Variants in EBF3 observed in about 807,000 individuals in gnomAD.
EBF3 encodes EBF transcription factor 3.
A neutral mutation model predicts 77.1 loss-of-function variants in EBF3; 18 were observed. The observed-to-expected ratio is 0.23, with a 90% CI of 0.16 to 0.35. EBF3 has a LOEUF of 0.35. Among genes scored for constraint, EBF3 ranks in the 10% least tolerant of loss-of-function variants. The pLI is 1.00. For missense variants in EBF3, 558 were observed against 860.0 expected (o/e 0.65, Z 4.39); for synonymous variants, 350 against 343.5 (o/e 1.02, Z -0.21).
rs767897141 is a variant in EBF3, at chr10:129,873,432, G to C, written c.781+20C>G. 2.7e-6 allele frequency: 4 copies of C among 1,493,744 alleles called. No individual in the cohort carries two copies. The South Asian group carries it at 5.4e-5, about 20-fold the overall frequency. 92.5% of individuals were successfully genotyped at this position (1,493,744 alleles called of 1,614,324 possible). A position where few individuals can be genotyped will look rare whatever the true frequency, so the allele number is the denominator to read the frequency against. On this transcript the variant is annotated intron_variant, in intron 8 of 16. Coordinates refer to ENST00000440978, the MANE Select transcript of EBF3 (RefSeq NM_001375380.1). The stretch of plus-strand genomic sequence containing the variant: ...AAAAGAAGCATCGCAAATAAAAAAA[G>C]ACATGTAACATGTGCCTACCATTTT...
At chr10:129,946,807 G>A (rs1337411667) in intron 6 of EBF3, among the ~76,000 whole-genome samples, 1 of 152,196 alleles carries the variant, frequency 6.6e-6, no homozygotes, top group Admixed American at 6.5e-5. Flanking sequence ...TTATTAACTT[G>A]CATAACTCAT....
At chr10:129,942,136 C>A (rs559786909) in intron 6 of EBF3, among the ~76,000 whole-genome samples, 1 of 152,218 alleles carries the variant, frequency 6.6e-6, no homozygotes, top group Non-Finnish European at 1.5e-5. Context: ...CGGCTCCCTG[C>A]AGGTTCTTAG....
intron 6 of EBF3, among the ~76,000 whole-genome samples, chr10:129,951,753 C>T (rs1858698917): frequency 6.6e-6 from 1 of 152,260 alleles, no homozygotes; most frequent in South Asian, 2.1e-4. Flanking sequence ...ACCGTGCAGC[C>T]GGCGTGGTGC....
At chr10:129,902,336 G>A (rs1854849759) in intron 6 of EBF3, among the ~76,000 whole-genome samples, 1 of 151,554 alleles carries the variant, frequency 6.6e-6, no homozygotes, top group Non-Finnish European at 1.5e-5. Context: ...TGGACCCCAT[G>A]AACACTTTAA....
At position 129,952,456 on chromosome 10, in the gene EBF3, T is replaced by G. The variant is rs1282655898; in HGVS notation, c.554+4802A>C. Among the ~76,000 whole-genome samples the G allele has an allele frequency of 6.6e-6, 1 of 152,218 alleles. No homozygotes were observed. Among genetic ancestry groups the G allele is most frequent in the African/African-American group, 2.4e-5 (1 of 41,458 alleles). On this transcript the variant is annotated intron_variant, in intron 6 of 16. Transcript: ENST00000440978. The surrounding 1 kb of genome is among the most constrained non-coding windows in gnomAD (Gnocchi z 4.7). ...GGGCTTAGCCAAAATGTAAATGACATTAAAGAAGACAATGAATTTAATTTT... is the reference window on the plus strand; with the variant it reads ...GGGCTTAGCCAAAATGTAAATGACAGTAAAGAAGACAATGAATTTAATTTT...
intron 7 of EBF3, among the ~76,000 whole-genome samples, chr10:129,874,665 C>T (rs1173159603): frequency 1.3e-5 from 2 of 152,226 alleles, no homozygotes; most frequent in African/African-American, 2.4e-5. Context: ...TTTGGGCACA[C>T]TCGGCCATGT....
chr10:129,847,331 G>C (rs1564821318), intron 11 of EBF3, among the ~76,000 whole-genome samples: 1 of 152,154 alleles, frequency 6.6e-6, no homozygotes, highest in Non-Finnish European at 1.5e-5. Context: ...CTCTGGGTAA[G>C]GATGTTGCAG....
intron 6 of EBF3, among the ~76,000 whole-genome samples, chr10:129,918,821 T>A (rs1055683532): frequency 6.6e-6 from 1 of 152,242 alleles, no homozygotes. Flanking sequence ...GGTTTACTCA[T>A]AGTGAGATCT....
chr10:129,864,244 C>T lies in EBF3; in HGVS notation c.1039+2897G>A, dbSNP rs958734950. Among the ~76,000 whole-genome samples, 4 of 152,152 alleles carry T rather than the reference C, an allele frequency of 2.6e-5. No homozygotes were observed. Among genetic ancestry groups the T allele is most frequent in the African/African-American group, 9.7e-5 (4 of 41,450 alleles). On this transcript the variant is annotated intron_variant, in intron 10 of 16. Transcript: ENST00000440978. This position sits in a 1 kb window ranked among gnomAD's most constrained non-coding sequence, Gnocchi z 4.4. ...AGAGCTGCCCCCTCCCTGCACCAGC[C>T]CCAGAGCAGCAAAAGCAGGGCCCGG...
At chr10:129,867,521 T>TA (rs1192703131) in intron 9 of EBF3, among the ~76,000 whole-genome samples, 1 of 152,198 alleles carries the variant, frequency 6.6e-6, no homozygotes, top group African/African-American at 2.4e-5. Flanking sequence ...TATGTCTCCT[T>TA]AAACCTGCTT....
chr10:129,871,761 C>A (rs1279021416), intron 8 of EBF3, among the ~76,000 whole-genome samples: 24 of 152,182 alleles, frequency 1.6e-4, no homozygotes, highest in Admixed American at 1.6e-3. Flanking sequence ...CTATTTATGA[C>A]AAATGCCTTT....
chr10:129,905,865 G>A (rs1407207095), intron 6 of EBF3, among the ~76,000 whole-genome samples: 2 of 152,272 alleles, frequency 1.3e-5, no homozygotes, highest in South Asian at 2.1e-4. Flanking sequence ...TTAATGCAAC[G>A]CTCAGGCACT....
rs571019716 is a variant in EBF3, at chr10:129,839,570, G to C, written c.1760-375C>G. ...TGATTCTTTGAAAGAGATCACGTAG[G>C]AAAATCAGCTCCTGTCCACAGACAG... On this transcript the variant is annotated intron_variant, in intron 15 of 16. Coordinates refer to ENST00000440978, the MANE Select transcript of EBF3 (RefSeq NM_001375380.1). Among the ~76,000 whole-genome samples the C allele has an allele frequency of 2.6e-5, 4 of 152,308 alleles. No individual in the cohort carries two copies. The East Asian group carries it at 7.8e-4, about 30-fold the overall frequency.
At chr10:129,857,531 C>T (rs1294468368) in intron 10 of EBF3, among the ~76,000 whole-genome samples, 1 of 152,220 alleles carries the variant, frequency 6.6e-6, no homozygotes, top group Non-Finnish European at 1.5e-5. Flanking sequence ...CTCAAATCTG[C>T]CAGCGCCTCA....
intron 6 of EBF3, among the ~76,000 whole-genome samples, chr10:129,922,716 G>A (rs778187183): frequency 1.3e-5 from 2 of 152,240 alleles, no homozygotes; most frequent in East Asian, 1.9e-4. Flanking sequence ...CCTGCGTCAC[G>A]GACTGTGAAC....
intron 6 of EBF3, among the ~76,000 whole-genome samples, chr10:129,930,427 C>G (rs1273748522): frequency 6.7e-6 from 1 of 149,270 alleles, no homozygotes; most frequent in Non-Finnish European, 1.5e-5. Context: ...CTAACAAATC[C>G]CCCTCTCATA....
At chr10:129,931,525 T>C (rs1286453207) in intron 6 of EBF3, among the ~76,000 whole-genome samples, 1 of 152,212 alleles carries the variant, frequency 6.6e-6, no homozygotes, top group Non-Finnish European at 1.5e-5. Flanking sequence ...AAATGACATA[T>C]AGCAAGTAGC....
At chr10:129,953,790 C>T (rs1489089137) in intron 6 of EBF3, among the ~76,000 whole-genome samples, 1 of 152,222 alleles carries the variant, frequency 6.6e-6, no homozygotes, top group Non-Finnish European at 1.5e-5. Context: ...AAGGAGTATA[C>T]ACCTTCCTGG....
At chr10:129,896,624 C>T (rs931904169) in intron 6 of EBF3, among the ~76,000 whole-genome samples, 1 of 152,222 alleles carries the variant, frequency 6.6e-6, no homozygotes, top group South Asian at 2.1e-4. Context: ...GCGAGCCTCC[C>T]GGAGGCGGTG....
Sources: gnomAD v4.1 joint callset for allele counts (sites outside exome capture counted in the v4.1 genomes callset) on GRCh38, gnomAD v4.1.1 for gene constraint, Gnocchi (gnomAD v3.1) non-coding constraint, MANE v1.5 for transcripts, NCBI Gene and HGNC (gene_info 2026-07-23, HGNC 2026-07-21) for gene names.